The following TRIOBP variants were observed in gnomAD, a reference collection of about 807,000 sequenced individuals.
The protein encoded by TRIOBP is TRIO and F-actin binding protein, also known as TRIO and F-actin-binding protein.
A neutral mutation model predicts 238.8 loss-of-function variants in TRIOBP; 169 were observed. That is an observed-to-expected ratio of 0.71 (90% confidence interval 0.62 to 0.80). TRIOBP has a LOEUF of 0.80. Ranked by LOEUF, TRIOBP falls within the 30% of genes least tolerant of loss-of-function variation. TRIOBP has a pLI of 0.00. For synonymous variants in TRIOBP, 1,150 were observed against 1,274.4 expected, an observed-to-expected ratio of 0.90 and a Z score of 2.08; for missense variants, 2,838 against 3,122.6, an observed-to-expected ratio of 0.91 and a Z score of 2.17.
chr22:37,701,915 G>T (rs1488882221), intron 3 of TRIOBP, among the ~76,000 whole-genome samples: 4 of 152,082 alleles, frequency 2.6e-5, no homozygotes, highest in Non-Finnish European at 2.9e-5. Flanking sequence ...ATCACCCGAG[G>T]TCGGGAGTTT....
intron 17 of TRIOBP, among the ~76,000 whole-genome samples, chr22:37,763,077 T>A (rs1353235178): frequency 6.6e-6 from 1 of 152,118 alleles, no homozygotes; most frequent in Non-Finnish European, 1.5e-5. Context: ...GAGTCCCACC[T>A]CCTGATGTCA....
At chr22:37,771,070 T>G (rs1451374966) in intron 21 of TRIOBP, among the ~76,000 whole-genome samples, 3 of 152,248 alleles carry the variant, frequency 2.0e-5, no homozygotes, top group African/African-American at 7.2e-5. Flanking sequence ...TTAACTCATC[T>G]AATCTTCCTG....
chr22:37,710,462 C>T lies in TRIOBP; in HGVS notation c.150C>T (p.Tyr50=), dbSNP rs774098875. The change falls in exon 4 of 24, where the codon TAC becomes TAT. Residue 50 remains tyrosine, a synonymous_variant. Coordinates refer to ENST00000644935, the MANE Select transcript of TRIOBP (RefSeq NM_001039141.3). ...GCCCTTCAGGTGCTGAGGTGCCCTA[C>T]TGCGACCTGCCTCGATGTCCACCTG... ...LRSPSGAEVP[Y]CDLPRCPPAP... 1.3e-5 allele frequency: 21 copies of T among 1,613,380 alleles called. 1 individual carries two copies. The South Asian group carries it at 2.3e-4, about 18-fold the overall frequency.
At position 37,701,352 on chromosome 22, in the gene TRIOBP, C is replaced by G. The variant is rs12484441; in HGVS notation, c.-14C>G. The G allele has an allele frequency of 0.22, 360,029 of 1,601,948 alleles. 42,494 individuals are homozygous for G. The highest frequency in any genetic ancestry group is 0.3 in the South Asian group (26,581 of 89,638). On this transcript the variant is annotated 5_prime_UTR_variant, in exon 3 of 24. Transcript: ENST00000644935. ...ATTGGATCATAGGAACTGCCCTGGC[C>G]TGACTCACCCAATATGGAGGAGGTG...
At chr22:37,755,844 T>A (rs1925891469) in intron 15 of TRIOBP, among the ~76,000 whole-genome samples, 185 bp downstream of exon 15, 1 of 152,192 alleles carries the variant, frequency 6.6e-6, no homozygotes, top group South Asian at 2.1e-4. Flanking sequence ...TGAGGTTTGA[T>A]CTGTCTTCTC....
At chr22:37,767,575 A>G (rs904673208) in intron 18 of TRIOBP, among the ~76,000 whole-genome samples, 5 of 152,236 alleles carry the variant, frequency 3.3e-5, no homozygotes, top group Admixed American at 3.3e-4. Flanking sequence ...TTTTCCAGAT[A>G]AGGGATCTGA....
Position 37,725,066 on chromosome 22 carries a change from C to A in TRIOBP, c.2510C>A (p.Ser837Tyr). 1 of 1,614,208 alleles carries A rather than the reference C, an allele frequency of 6.2e-7. No homozygotes were observed. The highest frequency in any genetic ancestry group is 8.5e-7 in the Non-Finnish European group (1 of 1,180,028). ...ACCCAACAAGACAACCCTAAAACCT[C>A]TTGTACCAAACGAGATAACCTCAGA... ...SSTQQDNPKTSCTKRDNLRPT... is the reference protein window; with the variant it reads ...SSTQQDNPKTYCTKRDNLRPT... The change falls in exon 7 of 24, where the codon TCT becomes TAT. Residue 837 changes from serine to tyrosine, a missense_variant. Coordinates refer to ENST00000644935, the MANE Select transcript of TRIOBP (RefSeq NM_001039141.3).
Position 37,759,134 on chromosome 22 carries a change from A to G in TRIOBP, c.6214-20A>G. On this transcript the variant is annotated intron_variant, in intron 16 of 23. Coordinates refer to ENST00000644935, the MANE Select transcript of TRIOBP (RefSeq NM_001039141.3). ...CTGCCCCAGCTTCCAGGTCCCACTGACCACCCTTCTCCCTCGTAGGTTCAG... is the reference window on the plus strand; with the variant it reads ...CTGCCCCAGCTTCCAGGTCCCACTGGCCACCCTTCTCCCTCGTAGGTTCAG... The G allele has an allele frequency of 6.3e-7, 1 of 1,596,718 alleles. No individual in the cohort carries two copies. Among genetic ancestry groups the G allele is most frequent in the South Asian group, 1.1e-5 (1 of 89,402 alleles).
In TRIOBP at chr22:37,757,692, G is replaced by T. The variant is rs150947392; in HGVS notation, c.5767G>T (p.Ala1923Ser). 6.3e-7 allele frequency: 1 copy of T among 1,585,030 alleles called. No homozygotes were observed. Among genetic ancestry groups the T allele is most frequent in the Non-Finnish European group, 8.6e-7 (1 of 1,166,928 alleles). ...KGPLKAGEQR[A>S]GSEVISRGGP... is the part of the protein sequence containing the mutation. ...CCCCCTGAAGGCAGGGGAGCAGCGG[G>T]CGGGCTCTGAGGTCATCAGCCGGGG... Residue 1923 changes from alanine to serine, a missense_variant, in exon 16 of 24, where the codon GCG becomes TCG. Ala to Ser is a moderately conservative substitution (Grantham distance 99). Transcript: ENST00000644935.
chr22:37,718,535 C>A (rs965420718), intron 6 of TRIOBP, among the ~76,000 whole-genome samples: 4 of 151,022 alleles, frequency 2.6e-5, no homozygotes, highest in African/African-American at 7.3e-5. Context: ...CATAATATGC[C>A]CCCTGATATG....
chr22:37,741,153 G>A (rs572251931), intron 11 of TRIOBP, 121 bp downstream of exon 11: 19 of 1,340,554 alleles, frequency 1.4e-5, no homozygotes, highest in Admixed American at 1.0e-4. Context: ...ACCTAGGGCC[G>A]TCGCATGACA....
chr22:37,754,417 CAAAA>C (rs11428898), intron 12 of TRIOBP, among the ~76,000 whole-genome samples: 4 of 82,832 alleles, frequency 4.8e-5, no homozygotes, highest in Admixed American at 2.6e-4. Flanking sequence ...TCCTCCATCT[CAAAA>C]AAAAAAAAAA....
chr22:37,752,473 C>T (rs1211603960), intron 12 of TRIOBP, among the ~76,000 whole-genome samples: 1 of 152,232 alleles, frequency 6.6e-6, no homozygotes, highest in Non-Finnish European at 1.5e-5. Context: ...GTTCTTTCGG[C>T]TGCCAGGCTG....
intron 3 of TRIOBP, among the ~76,000 whole-genome samples, chr22:37,707,013 A>G (rs1174345906): frequency 6.6e-6 from 1 of 152,022 alleles, no homozygotes; most frequent in African/African-American, 2.4e-5. Context: ...CACGCCTGTA[A>G]TCCCAGCACT....
chr22:37,751,980 C>G, intron 12 of TRIOBP, 152 bp downstream of exon 12: 1 of 808,466 alleles, frequency 1.2e-6, no homozygotes, highest in Non-Finnish European at 2.1e-6. Flanking sequence ...CTTCTGCCTC[C>G]TGGAGCAGTC....
At chr22:37,772,389 A>T (rs917808751) in intron 22 of TRIOBP, among the ~76,000 whole-genome samples, 1 of 152,132 alleles carries the variant, frequency 6.6e-6, no homozygotes, top group Non-Finnish European at 1.5e-5. Context: ...CCCCCGAAAC[A>T]GGATGAGGAT....
Position 37,725,142 on chromosome 22 carries a change from C to T in TRIOBP, c.2586C>T (p.Asp862=), listed in dbSNP as rs1924065306. Reference sequence around the variant, plus strand: ...CACAGTCCTTTTCCTTTCAACGAGACAACCCTGGAACCTCCTCATCTCAAT... The same window carrying T: ...CACAGTCCTTTTCCTTTCAACGAGATAACCCTGGAACCTCCTCATCTCAAT... ...DRTQSFSFQR[D]NPGTSSSQCC... The change falls in exon 7 of 24, where the codon GAC becomes GAT. Residue 862 remains aspartate, a synonymous_variant. Coordinates refer to ENST00000644935, the MANE Select transcript of TRIOBP (RefSeq NM_001039141.3). 6.2e-7 allele frequency: 1 copy of T among 1,614,178 alleles called. No individual in the cohort carries two copies. The highest frequency in any genetic ancestry group is 2.2e-5 in the East Asian group (1 of 44,884).
At chr22:37,738,475 A>G (rs1454922413) in intron 9 of TRIOBP, among the ~76,000 whole-genome samples, 167 bp from the exon 10 acceptor site, 4 of 152,072 alleles carry the variant, frequency 2.6e-5, no homozygotes, top group African/African-American at 9.7e-5. Flanking sequence ...TGAGAGGGTG[A>G]GTCATGTGAT....
intron 11 of TRIOBP, among the ~76,000 whole-genome samples, chr22:37,744,947 C>T (rs550781416): frequency 6.6e-6 from 1 of 152,034 alleles, no homozygotes; most frequent in Non-Finnish European, 1.5e-5. Context: ...CTCACTGTAA[C>T]CTCTGCCTCC....
Sources: gnomAD v4.1 joint callset for allele counts (sites outside exome capture counted in the v4.1 genomes callset) on GRCh38, gnomAD v4.1.1 for gene constraint, MANE v1.5 for transcripts, NCBI Gene and HGNC (gene_info 2026-07-23, HGNC 2026-07-21) for gene names.